KCNAB2: variants seen among roughly 807,000 people sequenced by gnomAD.
KCNAB2 encodes the protein voltage-gated potassium channel subunit beta-2.
Under a neutral mutation model 63.6 loss-of-function variants are expected in KCNAB2, and 29 were observed. The ratio of observed to expected loss-of-function variants is 0.46; its 90% CI spans 0.34 to 0.62. The LOEUF is 0.62. Ranked by LOEUF, KCNAB2 falls within the 20% of genes least tolerant of loss-of-function variation. KCNAB2 has a pLI of 0.01. For synonymous variants in KCNAB2, 222 were observed against 224.2 expected (o/e 0.99, Z 0.09); for missense variants, 359 against 563.9 (o/e 0.64, Z 3.68).
chr1:6,096,877 TG>T lies in KCNAB2; in HGVS notation c.1069+123del. On this transcript the variant is annotated intron_variant, in intron 14 of 15. Transcript: ENST00000378083. This position sits in a 1 kb window ranked among gnomAD's most constrained non-coding sequence, Gnocchi z 5.9. The stretch of plus-strand genomic sequence containing the variant: ...TCCGGGGAGAGAGGGAAGGGATCCC[TG>T]GACATCATCCCCCAGCCAGCCTCGG... 7.9e-7 allele frequency: 1 copy of T among 1,271,870 alleles called. No homozygotes were observed. 78.8% of individuals were successfully genotyped at this position (1,271,870 alleles called of 1,614,324 possible).
intron 1 of KCNAB2, among the ~76,000 whole-genome samples, chr1:6,026,653 C>T (rs1659204756): frequency 6.6e-6 from 1 of 152,252 alleles, no homozygotes; most frequent in Non-Finnish European, 1.5e-5. Context: ...CCCAACGCAG[C>T]CCGGCCCTTC....
intron 1 of KCNAB2, among the ~76,000 whole-genome samples, chr1:6,026,873 G>C (rs553943959): frequency 1.3e-5 from 2 of 152,344 alleles, no homozygotes; most frequent in Admixed American, 1.3e-4. Context: ...CATCTTGTCT[G>C]CTGTCTCTCG....
intron 5 of KCNAB2, 137 bp downstream of exon 5, chr1:6,082,411 A>C: frequency 1.5e-6 from 1 of 682,072 alleles, no homozygotes; most frequent in East Asian, 2.8e-5. Flanking sequence ...TAAACTCTGA[A>C]TGGCTTTAGG....
intron 1 of KCNAB2, among the ~76,000 whole-genome samples, chr1:6,010,198 G>A (rs139778234): frequency 5.5e-4 from 84 of 152,164 alleles, no homozygotes; most frequent in African/African-American, 1.8e-3. Context: ...TTCTTAGCTT[G>A]CATTTCCTTT....
At chr1:6,032,040 A>G (rs1659663372), upstream of KCNAB2, among the ~76,000 whole-genome samples, 1 of 152,170 alleles carries the variant, frequency 6.6e-6, no homozygotes, top group South Asian at 2.1e-4. Context: ...CTCACCAGCA[A>G]TGCCTTCCTG....
Position 6,100,341 on chromosome 1 carries a change from T to A in KCNAB2, c.*1767T>A. On this transcript the variant is annotated 3_prime_UTR_variant, in exon 16 of 16. Coordinates refer to ENST00000378083, the MANE Select transcript of KCNAB2 (RefSeq NM_001199862.2). ...GGGGTCTCCACTCAGTCCTGCTGCCTGCTTCACCAGAAGCAGCCCTGTGAG... is the reference window on the plus strand; with the variant it reads ...GGGGTCTCCACTCAGTCCTGCTGCCAGCTTCACCAGAAGCAGCCCTGTGAG... 1 of 286,956 alleles carries A rather than the reference T, an allele frequency of 3.5e-6. No individual in the cohort carries two copies. 17.8% of individuals were successfully genotyped at this position (286,956 alleles called of 1,614,324 possible). A position where few individuals can be genotyped will look rare whatever the true frequency, so the allele number is the denominator to read the frequency against.
intron 8 of KCNAB2, among the ~76,000 whole-genome samples, 178 bp from the exon 9 acceptor site, chr1:6,090,211 G>T (rs559446356): frequency 4.9e-4 from 75 of 152,070 alleles, no homozygotes; most frequent in Non-Finnish European, 1.0e-3. Flanking sequence ...CCCACTCCCT[G>T]TGGGATGTGC....
chr1:6,098,578 GC>G lies in KCNAB2; in HGVS notation c.*9del. On this transcript the variant is annotated 3_prime_UTR_variant, in exon 16 of 16. Coordinates refer to ENST00000378083, the MANE Select transcript of KCNAB2 (RefSeq NM_001199862.2). ...CAAAAAGGACTACAGATCCTAAGCC[GC>G]CCCCGCCCGCCTGCTCGGACAGTTT... 3 of 1,612,986 alleles carry G rather than the reference GC, an allele frequency of 1.9e-6. No individual in the cohort carries two copies. Among genetic ancestry groups the G allele is most frequent in the South Asian group, 2.2e-5 (2 of 90,966 alleles).
At position 6,024,692 on chromosome 1, in the gene KCNAB2, G is replaced by GCAACATCTCCGTGCTGGGGGCCAAGA. The variant is rs1659034169; in HGVS notation, c.-52-15824_-52-15799dup. On this transcript the variant is annotated intron_variant, in intron 1 of 16. Coordinates refer to the KCNAB2 transcript ENST00000341524. The surrounding 1 kb of genome is among the most constrained non-coding windows in gnomAD (Gnocchi z 5.4). Reference sequence around the variant, plus strand: ...GTGTTTGGAGACCCACAGAGTCAGGGCAACATCTCCGTGCTGGGGGCCAAG... The same window carrying GCAACATCTCCGTGCTGGGGGCCAAGA: ...GTGTTTGGAGACCCACAGAGTCAGGGCAACATCTCCGTGCTGGGGGCCAAGACAACATCTCCGTGCTGGGGGCCAAG... Among the ~76,000 whole-genome samples, 1 of 152,160 alleles carries GCAACATCTCCGTGCTGGGGGCCAAGA rather than the reference G, an allele frequency of 6.6e-6. No individual in the cohort carries two copies. The highest frequency in any genetic ancestry group is 2.4e-5 in the African/African-American group (1 of 41,426).
rs150377163 is a variant in KCNAB2, at chr1:6,075,090, T to C, written c.300+1320T>C. Among the ~76,000 whole-genome samples the C allele has an allele frequency of 1.9e-4, 29 of 152,310 alleles. No homozygotes were observed. In the East Asian group the frequency reaches 4.6e-3, roughly 24 times the overall value. On this transcript the variant is annotated intron_variant, in intron 4 of 15. Coordinates refer to ENST00000378083, the MANE Select transcript of KCNAB2 (RefSeq NM_001199862.2). Reference sequence around the variant, plus strand: ...AATTGCCTTACCTCAGCCCACCAGATTGGTTCAGTTGGAGCCCTGGGGCCC... The same window carrying C: ...AATTGCCTTACCTCAGCCCACCAGACTGGTTCAGTTGGAGCCCTGGGGCCC...
intron 1 of KCNAB2, among the ~76,000 whole-genome samples, chr1:6,036,598 AG>A: frequency 6.6e-6 from 1 of 152,232 alleles, no homozygotes; most frequent in Non-Finnish European, 1.5e-5. Context: ...CTGAAGAAGG[AG>A]GAATGGGCTT....
rs1428145982 is a variant in KCNAB2 at position 6,087,834 on chromosome 1, A to G, written c.470+323A>G. Among the ~76,000 whole-genome samples the G allele has an allele frequency of 1.3e-5, 2 of 152,168 alleles. No individual in the cohort carries two copies. The highest frequency in any genetic ancestry group is 2.9e-5 in the Non-Finnish European group (2 of 68,030). ...TTAACTTTCCTTTTTACTCACATGG[A>G]TTATTTTTTCCTGGTCACTATGGTA... On this transcript the variant is annotated intron_variant, in intron 7 of 15. Transcript: ENST00000378083. This position sits in a 1 kb window ranked among gnomAD's most constrained non-coding sequence, Gnocchi z 6.4.
chr1:6,048,147 C>T (rs1372183090), intron 1 of KCNAB2, among the ~76,000 whole-genome samples: 1 of 152,262 alleles, frequency 6.6e-6, no homozygotes, highest in East Asian at 1.9e-4. Flanking sequence ...TTATTCACAT[C>T]TGTGTTCTCT....
intron 1 of KCNAB2, among the ~76,000 whole-genome samples, chr1:6,011,861 G>T (rs1015719866): frequency 1.3e-5 from 2 of 152,246 alleles, no homozygotes; most frequent in Non-Finnish European, 2.9e-5. Context: ...GAGAACTGCA[G>T]CTTGGAGAGC....
At chr1:6,004,956 TGGGAGC>T (rs1657483054) in intron 1 of KCNAB2, among the ~76,000 whole-genome samples, 1 of 141,596 alleles carries the variant, frequency 7.1e-6, no homozygotes, top group Non-Finnish European at 1.6e-5. Context: ...TGGGGGGATG[TGGGAGC>T]TGAGCTGAGG....
At chr1:6,052,336 G>A (rs1661462022) in intron 2 of KCNAB2, among the ~76,000 whole-genome samples, 1 of 151,500 alleles carries the variant, frequency 6.6e-6, no homozygotes, top group African/African-American at 2.4e-5. Context: ...GAGGTGGGAG[G>A]ATTACCTGAG....
chr1:6,090,477 T>A lies in KCNAB2; in HGVS notation c.601+2T>A. On this transcript the variant is annotated splice_donor_variant, in intron 9 of 15. Transcript: ENST00000378083. LOFTEE classifies it high-confidence loss of function. ...CGGACCCCAACACCCCGATGGAAGG[T>A]AGGTGGTCTGCGGCGGCGCCACCGG... is the stretch of plus-strand genomic sequence containing the variant. The A allele has an allele frequency of 6.2e-7, 1 of 1,612,360 alleles. No individual in the cohort carries two copies. The highest frequency in any genetic ancestry group is 8.5e-7 in the Non-Finnish European group (1 of 1,178,956).
intron 10 of KCNAB2, among the ~76,000 whole-genome samples, chr1:6,094,186 C>T (rs780110189): frequency 3.3e-5 from 5 of 152,176 alleles, no homozygotes; most frequent in African/African-American, 4.8e-5. Context: ...ATTGTTTTCA[C>T]GACCAACTTC....
chr1:6,014,148 A>G (rs1475866259), intron 1 of KCNAB2, among the ~76,000 whole-genome samples: 1 of 152,256 alleles, frequency 6.6e-6, no homozygotes, highest in African/African-American at 2.4e-5. Context: ...GGTCGCCAGC[A>G]GCTCTGACAT....
Sources: gnomAD v4.1 joint callset for allele counts (sites outside exome capture counted in the v4.1 genomes callset) on GRCh38, gnomAD v4.1.1 for gene constraint, Gnocchi (gnomAD v3.1) non-coding constraint, MANE v1.5 for transcripts, NCBI Gene and HGNC (gene_info 2026-07-23, HGNC 2026-07-21) for gene names.